BMPR1B: variants seen among roughly 807,000 people sequenced by gnomAD.
BMPR1B encodes the protein bone morphogenetic protein receptor type-1B.
BMPR1B carries 12 observed loss-of-function variants against 59.1 expected under a neutral mutation model. The observed-to-expected ratio is 0.20, with a 90% CI of 0.13 to 0.33. The LOEUF (loss-of-function observed/expected upper bound fraction) is 0.33, where lower values mean the gene tolerates loss of function less well. Ranked by LOEUF, BMPR1B falls within the 10% of genes least tolerant of loss-of-function variation. The pLI is 1.00. For synonymous variants in BMPR1B, 237 were observed against 207.3 expected, an observed-to-expected ratio of 1.14 and a Z score of -1.23; for missense variants, 550 against 610.9, an observed-to-expected ratio of 0.90 and a Z score of 1.05.
At chr4:95,154,515 A>G (rs369685846) in intron 12 of BMPR1B, 33 bp from the exon 13 acceptor site, 7 of 1,613,902 alleles carry the variant, frequency 4.3e-6, no homozygotes, top group South Asian at 1.1e-5. Context: ...AGCCTTGCAG[A>G]TGATACATTT....
intron 3 of BMPR1B, among the ~76,000 whole-genome samples, chr4:95,002,373 T>C (rs1722510510): frequency 6.6e-6 from 1 of 152,188 alleles, no homozygotes; most frequent in Non-Finnish European, 1.5e-5. Context: ...TCTTTATCCA[T>C]CCACTGTTGA....
intron 2 of BMPR1B, among the ~76,000 whole-genome samples, chr4:94,910,037 TC>T (rs542840558): frequency 9.1e-4 from 139 of 151,930 alleles, no homozygotes; most frequent in African/African-American, 3.3e-3. Context: ...AGAGCGAGAC[TC>T]CGTCTCCAAA....
chr4:94,874,749 T>C (rs1157989602), intron 1 of BMPR1B, among the ~76,000 whole-genome samples: 1 of 152,166 alleles, frequency 6.6e-6, no homozygotes. Context: ...CCCAGGACTT[T>C]GGGAGGCCGA....
intron 3 of BMPR1B, among the ~76,000 whole-genome samples, chr4:95,027,371 A>G (rs994583497): frequency 1.3e-5 from 2 of 152,232 alleles, no homozygotes; most frequent in Non-Finnish European, 2.9e-5. Context: ...TAAAAGATGT[A>G]GAAGAAAACC....
chr4:94,910,550 G>T (rs1198396622), intron 2 of BMPR1B, among the ~76,000 whole-genome samples: 2 of 152,052 alleles, frequency 1.3e-5, no homozygotes, highest in Non-Finnish European at 2.9e-5. Flanking sequence ...AGTATAATTT[G>T]TCAATGTGTG....
At chr4:94,970,533 G>A (rs1031474640) in intron 2 of BMPR1B, among the ~76,000 whole-genome samples, 4 of 152,084 alleles carry the variant, frequency 2.6e-5, no homozygotes, top group African/African-American at 9.7e-5. Context: ...GACTGGTCAA[G>A]AACTCCTGAC....
At chr4:95,059,475 T>C (rs1292991525) in intron 3 of BMPR1B, among the ~76,000 whole-genome samples, 3 of 152,142 alleles carry the variant, frequency 2.0e-5, no homozygotes, top group Non-Finnish European at 4.4e-5. Context: ...AATCATGTGA[T>C]TTTATAGGCA....
chr4:95,046,903 A>G (rs977587925), intron 3 of BMPR1B, among the ~76,000 whole-genome samples: 1 of 152,210 alleles, frequency 6.6e-6, no homozygotes, highest in Non-Finnish European at 1.5e-5. Context: ...TAATTGAAAT[A>G]GAATCTATTG....
At chr4:95,150,463 A>T (rs1734960092) in intron 11 of BMPR1B, among the ~76,000 whole-genome samples, 1 of 152,008 alleles carries the variant, frequency 6.6e-6, no homozygotes, top group South Asian at 2.1e-4. Context: ...AGAAAAAAAA[A>T]AAAAAAACAA....
chr4:95,052,198 A>T (rs963641932), intron 3 of BMPR1B, among the ~76,000 whole-genome samples: 2 of 152,158 alleles, frequency 1.3e-5, no homozygotes, highest in Non-Finnish European at 2.9e-5. Flanking sequence ...TTTTATATGG[A>T]TGCATTGAGT....
At chr4:94,902,247 CACAGAGAGAGAGAGAGAGAGAG>C (rs1158621872) in intron 2 of BMPR1B, among the ~76,000 whole-genome samples, 27 of 84,778 alleles carry the variant, frequency 3.2e-4, no homozygotes, top group African/African-American at 5.9e-4. Flanking sequence ...CACACACACA[CACAGAGAGAGAGAGAGAGAGAG>C]AGAGAGAGAG....
At position 95,154,806 on chromosome 4, in the gene BMPR1B, C is replaced by T; in HGVS notation, c.*133C>T. 3.0e-6 allele frequency: 4 copies of T among 1,341,084 alleles called. No individual in the cohort carries two copies. In the East Asian group the frequency reaches 7.1e-5, roughly 24 times the overall value. 83.1% of individuals were successfully genotyped at this position (1,341,084 alleles called of 1,614,324 possible). On this transcript the variant is annotated 3_prime_UTR_variant, in exon 13 of 13. Transcript: ENST00000515059. ...CGTCCTGCTTCCCAGTGGGTTCAGA[C>T]CTCACCTCTCAGGGAGCGACCTGGG...
intron 2 of BMPR1B, among the ~76,000 whole-genome samples, chr4:94,960,131 A>C (rs1030044473): frequency 2.0e-5 from 3 of 152,112 alleles, no homozygotes; most frequent in African/African-American, 7.2e-5. Context: ...AAATGTAGTA[A>C]ATCTTCATGT....
At chr4:94,982,461 A>C (rs941734755) in intron 2 of BMPR1B, among the ~76,000 whole-genome samples, 1 of 152,210 alleles carries the variant, frequency 6.6e-6, no homozygotes, top group Non-Finnish European at 1.5e-5. Flanking sequence ...AGTCCTTCTC[A>C]ACCTTGGCTG....
chr4:95,122,406 A>G (rs1732597367), intron 6 of BMPR1B, among the ~76,000 whole-genome samples: 1 of 152,128 alleles, frequency 6.6e-6, no homozygotes, highest in African/African-American at 2.4e-5. Flanking sequence ...AATGTTCCCA[A>G]CACAAAGAAA....
At chr4:94,803,315 C>A (rs190274607) in intron 1 of BMPR1B, among the ~76,000 whole-genome samples, 1 of 152,156 alleles carries the variant, frequency 6.6e-6, no homozygotes, top group Non-Finnish European at 1.5e-5. Flanking sequence ...CTACCCTGCA[C>A]AGTAATCTGG....
At chr4:95,124,007 T>C in intron 7 of BMPR1B, 101 bp downstream of exon 7, 1 of 778,448 alleles carries the variant, frequency 1.3e-6, no homozygotes, top group Admixed American at 2.2e-5. Flanking sequence ...ACAGCTTTAT[T>C]TATCTTAATT....
intron 12 of BMPR1B, among the ~76,000 whole-genome samples, chr4:95,153,805 A>G (rs955670613): frequency 3.3e-5 from 5 of 152,240 alleles, no homozygotes; most frequent in Admixed American, 2.6e-4. Context: ...AGCCAGGATC[A>G]TGACACTGCA....
At chr4:94,928,816 G>A (rs1728986834) in intron 2 of BMPR1B, among the ~76,000 whole-genome samples, 1 of 151,922 alleles carries the variant, frequency 6.6e-6, no homozygotes, top group Non-Finnish European at 1.5e-5. Context: ...ATTAATTGGG[G>A]TAACATTACT....
Sources: allele counts gnomAD v4.1 joint callset (sites outside exome capture counted in the v4.1 genomes callset), GRCh38; gene constraint gnomAD v4.1.1; transcripts MANE v1.5; gene names NCBI Gene and HGNC (gene_info 2026-07-23, HGNC 2026-07-21).